The following DLGAP2 variants were observed in gnomAD, a reference collection of about 807,000 sequenced individuals.
DLGAP2 encodes DLG associated protein 2.
Under a neutral mutation model 100.3 loss-of-function variants are expected in DLGAP2, and 26 were observed. The ratio of observed to expected loss-of-function variants is 0.26; its 90% CI spans 0.19 to 0.36. DLGAP2 has a LOEUF of 0.36. Among genes scored for constraint, DLGAP2 ranks in the 10% least tolerant of loss-of-function variants. DLGAP2 has a pLI of 1.00. For synonymous variants in DLGAP2, 886 were observed against 630.1 expected (o/e 1.41, Z -6.08); for missense variants, 1,858 against 1,453.2 (o/e 1.28, Z -4.53).
Position 1,615,703 on chromosome 8 carries a change from T to C in DLGAP2, c.1443-11037T>C, listed in dbSNP as rs190037570. ...ACCGGAAAGATCTTTAAACAGCCAT[T>C]GTAAGGTCTTATGAATGATATAAAA... On this transcript the variant is annotated intron_variant, in intron 6 of 14. Transcript: ENST00000637795. Among the ~76,000 whole-genome samples the C allele has an allele frequency of 3.5e-3, 538 of 151,618 alleles. 2 individuals carry two copies. The highest frequency in any genetic ancestry group is 0.012 in the African/African-American group (509 of 40,968).
chr8:1,154,417 A>G (rs185522610), intron 2 of DLGAP2, among the ~76,000 whole-genome samples: 5 of 151,556 alleles, frequency 3.3e-5, no homozygotes, highest in East Asian at 1.9e-4. Flanking sequence ...CTCTCTTCCA[A>G]CTGATCAAAG....
intron 2 of DLGAP2, among the ~76,000 whole-genome samples, chr8:1,008,795 G>GC (rs1310213304): frequency 6.6e-6 from 1 of 152,184 alleles, no homozygotes; most frequent in Non-Finnish European, 1.5e-5. Flanking sequence ...ATGGTGCTGC[G>GC]CCCCCACTGG....
At chr8:1,116,505 G>A (rs1172649769) in intron 2 of DLGAP2, among the ~76,000 whole-genome samples, 2 of 152,116 alleles carry the variant, frequency 1.3e-5, no homozygotes, top group East Asian at 1.9e-4. Context: ...TTGAGAATGG[G>A]GCAGATAATA....
At chr8:1,256,887 G>A (rs1447926649) in intron 2 of DLGAP2, among the ~76,000 whole-genome samples, 1 of 152,130 alleles carries the variant, frequency 6.6e-6, no homozygotes, top group African/African-American at 2.4e-5. Context: ...TCCCTCCACA[G>A]GCCTTGTGAA....
chr8:999,644 C>T (rs1051368278), intron 2 of DLGAP2, among the ~76,000 whole-genome samples: 3 of 151,732 alleles, frequency 2.0e-5, no homozygotes, highest in Non-Finnish European at 4.4e-5. Context: ...ATGCCTGGCT[C>T]ATTTTTTTGT....
intron 3 of DLGAP2, among the ~76,000 whole-genome samples, chr8:1,414,010 G>A (rs1027664163): frequency 6.6e-6 from 1 of 152,182 alleles, no homozygotes; most frequent in African/African-American, 2.4e-5. Context: ...AAAAAGTGCA[G>A]CTCAGGGCAC....
At chr8:1,148,524 G>C (rs567059597) in intron 2 of DLGAP2, among the ~76,000 whole-genome samples, 2 of 151,562 alleles carry the variant, frequency 1.3e-5, no homozygotes, top group South Asian at 4.2e-4. Flanking sequence ...TCTTGTGATT[G>C]ATGTTTAGAC....
At chr8:1,575,929 C>A (rs1377848697) in intron 6 of DLGAP2, among the ~76,000 whole-genome samples, 2 of 152,112 alleles carry the variant, frequency 1.3e-5, no homozygotes, top group African/African-American at 4.8e-5. Context: ...AATAAACATA[C>A]ATGTGCATGT....
At chr8:891,835 C>T (rs1017075238) in intron 1 of DLGAP2, among the ~76,000 whole-genome samples, 24 of 152,290 alleles carry the variant, frequency 1.6e-4, no homozygotes, top group Admixed American at 1.2e-3. Context: ...AGCCTGCATC[C>T]CAGCCAGCCG....
At chr8:1,207,781 A>G (rs879496760) in intron 2 of DLGAP2, among the ~76,000 whole-genome samples, 2 of 152,128 alleles carry the variant, frequency 1.3e-5, no homozygotes, top group Non-Finnish European at 2.9e-5. Flanking sequence ...GTGGTGTCAC[A>G]CTGTGGTTTT....
At chr8:1,344,087 C>CTGGGTGCCCTGTCGTGGGTCCATGTAT (rs1801484709) in intron 3 of DLGAP2, among the ~76,000 whole-genome samples, 1 of 142,426 alleles carries the variant, frequency 7.0e-6, no homozygotes, top group South Asian at 2.2e-4. Context: ...AAATGTCGTA[C>CTGGGTGCCCTGTCGTGGGTCCATGTAT]TCGGGGCCCT....
At chr8:1,558,726 C>T (rs1365724363) in intron 5 of DLGAP2, among the ~76,000 whole-genome samples, 2 of 104,940 alleles carry the variant, frequency 1.9e-5, no homozygotes, top group African/African-American at 7.4e-5. Context: ...TTACACATAC[C>T]CACACATACA....
chr8:1,557,164 A>G (rs1298865505), intron 5 of DLGAP2, among the ~76,000 whole-genome samples: 1 of 152,190 alleles, frequency 6.6e-6, no homozygotes, highest in Non-Finnish European at 1.5e-5. Context: ...ATATCTCCAG[A>G]TGTCACCAAA....
At chr8:783,612 A>T (rs1270865317) in intron 1 of DLGAP2, among the ~76,000 whole-genome samples, 1 of 151,882 alleles carries the variant, frequency 6.6e-6, no homozygotes, top group East Asian at 1.9e-4. Flanking sequence ...TTGATTTCTT[A>T]TCTTAGGGTT....
intron 3 of DLGAP2, among the ~76,000 whole-genome samples, chr8:1,363,459 C>T (rs745516716): frequency 1.1e-4 from 17 of 152,340 alleles, no homozygotes; most frequent in Admixed American, 4.6e-4. Context: ...CCCCCACACG[C>T]GTTTCCTCCA....
chr8:869,167 A>C (rs1282183649), intron 1 of DLGAP2, among the ~76,000 whole-genome samples: 1 of 151,988 alleles, frequency 6.6e-6, no homozygotes, highest in Non-Finnish European at 1.5e-5. Flanking sequence ...GCTTAGTGTA[A>C]TTTTGAGTCA....
chr8:1,548,750 T>G lies in DLGAP2; in HGVS notation c.297T>G (p.Cys99Trp). The change falls in exon 5 of 15, where the codon TGT becomes TGG. Residue 99 changes from cysteine to tryptophan, a missense_variant. By Grantham distance (215) the Cys-to-Trp change is radical (BLOSUM62 -2). Transcript: ENST00000637795. Reference protein sequence around the residue: ...TQPPLCSGHTCGLAPPEDCEH... With the variant: ...TQPPLCSGHTWGLAPPEDCEH... Reference sequence around the variant, plus strand: ...CGCCGCTGTGTTCCGGGCACACGTGTGGTCTGGCGCCCCCGGAGGACTGCG... The same window carrying G: ...CGCCGCTGTGTTCCGGGCACACGTGGGGTCTGGCGCCCCCGGAGGACTGCG... The G allele has an allele frequency of 6.2e-7, 1 of 1,604,518 alleles. No homozygotes were observed. The highest frequency in any genetic ancestry group is 8.5e-7 in the Non-Finnish European group (1 of 1,177,278).
chr8:1,322,284 G>C (rs991536979), intron 3 of DLGAP2, among the ~76,000 whole-genome samples: 1 of 152,118 alleles, frequency 6.6e-6, no homozygotes, highest in African/African-American at 2.4e-5. Flanking sequence ...TAAAAGCCAA[G>C]CATACTGAAA....
intron 1 of DLGAP2, among the ~76,000 whole-genome samples, chr8:756,027 G>GCTGTTA (rs1820910843): frequency 6.6e-6 from 1 of 152,234 alleles, no homozygotes; most frequent in Non-Finnish European, 1.5e-5. Flanking sequence ...GTTATAACCG[G>GCTGTTA]TATTTGGCTG....
Sources: gnomAD v4.1 joint callset for allele counts (sites outside exome capture counted in the v4.1 genomes callset) on GRCh38, gnomAD v4.1.1 for gene constraint, MANE v1.5 for transcripts, NCBI Gene and HGNC (gene_info 2026-07-23, HGNC 2026-07-21) for gene names.